The following CACNA2D3 variants were observed in gnomAD, a reference collection of about 807,000 sequenced individuals.
CACNA2D3 encodes calcium voltage-gated channel auxiliary subunit alpha2delta 3.
A neutral mutation model predicts 160.6 loss-of-function variants in CACNA2D3; 60 were observed. The ratio of observed to expected loss-of-function variants is 0.37; its 90% CI spans 0.30 to 0.46. The LOEUF is 0.46. Ranked by LOEUF, CACNA2D3 falls within the 20% of genes least tolerant of loss-of-function variation. The pLI, the probability that CACNA2D3 is intolerant of heterozygous loss-of-function variation, is 1.00. For synonymous variants in CACNA2D3, 558 were observed against 492.9 expected (o/e 1.13, Z -1.75); for missense variants, 1,205 against 1,365.0 (o/e 0.88, Z 1.85).
intron 35 of CACNA2D3, among the ~76,000 whole-genome samples, chr3:55,025,003 A>T (rs1703535273): frequency 1.3e-5 from 2 of 152,328 alleles, no homozygotes; most frequent in East Asian, 3.9e-4. Context: ...ACCCTCAGTC[A>T]TCATAACTAC....
chr3:54,552,096 C>T (rs1399782600), intron 5 of CACNA2D3, among the ~76,000 whole-genome samples: 2 of 152,124 alleles, frequency 1.3e-5, no homozygotes, highest in Non-Finnish European at 2.9e-5. Flanking sequence ...GTAAATGTCC[C>T]CTCTACCAGC....
rs1698522513 is a variant in CACNA2D3, at chr3:54,349,845, T to C, written c.321+29287T>C. Among the ~76,000 whole-genome samples the C allele has an allele frequency of 2.0e-5, 3 of 152,228 alleles. No homozygotes were observed. In the South Asian group the frequency reaches 6.2e-4, roughly 31 times the overall value. On this transcript the variant is annotated intron_variant, in intron 3 of 37. Coordinates refer to ENST00000474759, the MANE Select transcript of CACNA2D3 (RefSeq NM_018398.3). ...TTCCTGTACCTGAGCATCAGAAATC[T>C]GGGTTCTTGTTCTCATTGTTCAGAG...
chr3:55,057,228 A>G (rs149770918), intron 35 of CACNA2D3, among the ~76,000 whole-genome samples: 355 of 152,258 alleles, frequency 2.3e-3, no homozygotes, highest in Non-Finnish European at 3.9e-3. Context: ...AGTCAATTAA[A>G]CCTTTTTCCT....
intron 2 of CACNA2D3, among the ~76,000 whole-genome samples, chr3:54,311,837 A>G (rs1373537878): frequency 6.6e-6 from 1 of 152,118 alleles, no homozygotes; most frequent in Non-Finnish European, 1.5e-5. Context: ...AAATAGCCAC[A>G]TTTTCAGTTT....
At chr3:54,951,233 G>A (rs186073522) in intron 27 of CACNA2D3, among the ~76,000 whole-genome samples, 17 of 152,296 alleles carry the variant, frequency 1.1e-4, no homozygotes, top group South Asian at 2.1e-4. Context: ...TGCAAAATCT[G>A]TCAATGCAGT....
At chr3:54,955,835 G>T (rs1030069894) in intron 27 of CACNA2D3, among the ~76,000 whole-genome samples, 5 of 152,148 alleles carry the variant, frequency 3.3e-5, no homozygotes, top group African/African-American at 4.8e-5. Context: ...CAGGAGACCT[G>T]ACCAGCTAAG....
At chr3:54,755,814 T>A (rs1701958257) in intron 12 of CACNA2D3, among the ~76,000 whole-genome samples, 1 of 152,204 alleles carries the variant, frequency 6.6e-6, no homozygotes, top group African/African-American at 2.4e-5. Context: ...TTCCATTTTT[T>A]AATTTTTTTT....
intron 11 of CACNA2D3, among the ~76,000 whole-genome samples, chr3:54,680,676 G>A (rs553505773): frequency 3.9e-5 from 6 of 152,310 alleles, no homozygotes; most frequent in South Asian, 2.1e-4. Flanking sequence ...AGAATTGATC[G>A]AGGAGAGGCT....
At chr3:54,862,126 A>G (rs1699304355) in intron 17 of CACNA2D3, among the ~76,000 whole-genome samples, 1 of 152,186 alleles carries the variant, frequency 6.6e-6, no homozygotes, top group Non-Finnish European at 1.5e-5. Flanking sequence ...GCATATGTGT[A>G]CAAAGTGGTC....
At chr3:55,036,157 A>G (rs1173811775) in intron 35 of CACNA2D3, among the ~76,000 whole-genome samples, 1 of 152,134 alleles carries the variant, frequency 6.6e-6, no homozygotes, top group African/African-American at 2.4e-5. Context: ...TAAAATGAAA[A>G]CACCCTTGAC....
chr3:54,478,774 T>C (rs1047097013), intron 4 of CACNA2D3, among the ~76,000 whole-genome samples: 15 of 146,394 alleles, frequency 1.0e-4, no homozygotes, highest in African/African-American at 3.3e-4. Context: ...TACTCACCCA[T>C]TAGTCAGGCG....
intron 25 of CACNA2D3, among the ~76,000 whole-genome samples, chr3:54,892,133 T>C (rs1301977090): frequency 6.6e-6 from 1 of 152,216 alleles, no homozygotes; most frequent in African/African-American, 2.4e-5. Flanking sequence ...TGAAGTCTTT[T>C]CTGAGTCTGT....
At chr3:54,981,182 A>T (rs1286296506) in intron 29 of CACNA2D3, among the ~76,000 whole-genome samples, 1 of 152,234 alleles carries the variant, frequency 6.6e-6, no homozygotes, top group African/African-American at 2.4e-5. Context: ...AATGTCATCC[A>T]GTTCTTTTTT....
intron 2 of CACNA2D3, among the ~76,000 whole-genome samples, chr3:54,154,076 T>A (rs1014382510): frequency 6.6e-6 from 1 of 152,246 alleles, no homozygotes; most frequent in Non-Finnish European, 1.5e-5. Context: ...CTAGGATTTA[T>A]ATGCATATTT....
At chr3:54,408,971 A>T (rs990201775) in intron 4 of CACNA2D3, among the ~76,000 whole-genome samples, 4 of 152,208 alleles carry the variant, frequency 2.6e-5, no homozygotes, top group Non-Finnish European at 4.4e-5. Context: ...ACAGGAGCTA[A>T]CCAGTTAAGA....
At chr3:54,262,346 T>C (rs779703623) in intron 2 of CACNA2D3, among the ~76,000 whole-genome samples, 10 of 151,350 alleles carry the variant, frequency 6.6e-5, no homozygotes, top group Admixed American at 2.0e-4. Flanking sequence ...GCACAGAGAG[T>C]TCCCCGAAGT....
intron 27 of CACNA2D3, among the ~76,000 whole-genome samples, chr3:54,957,110 A>G (rs1701916528): frequency 6.6e-6 from 1 of 152,192 alleles, no homozygotes; most frequent in South Asian, 2.1e-4. Context: ...GATTATTACT[A>G]CTGCTATGAT....
At chr3:54,559,005 C>T (rs1011532337) in intron 5 of CACNA2D3, among the ~76,000 whole-genome samples, 4 of 152,048 alleles carry the variant, frequency 2.6e-5, no homozygotes, top group Non-Finnish European at 5.9e-5. Context: ...CGCCTATACC[C>T]CGGGAAGGAC....
At chr3:54,131,305 T>C (rs547270949) in intron 2 of CACNA2D3, among the ~76,000 whole-genome samples, 5 of 152,288 alleles carry the variant, frequency 3.3e-5, no homozygotes, top group South Asian at 4.1e-4. Flanking sequence ...TGTCAAGATA[T>C]GCACCCTTCC....
Sources: allele counts gnomAD v4.1 joint callset (sites outside exome capture counted in the v4.1 genomes callset), GRCh38; gene constraint gnomAD v4.1.1; transcripts MANE v1.5; gene names NCBI Gene and HGNC (gene_info 2026-07-23, HGNC 2026-07-21).